The following BEST3 variants were observed in gnomAD, a reference collection of about 807,000 sequenced individuals.
BEST3 encodes bestrophin-3.
In BEST3, 50 loss-of-function variants were observed where a neutral mutation model predicts 47.1. The ratio of observed to expected loss-of-function variants is 1.06; its 90% CI spans 0.85 to 1.34. BEST3 has a LOEUF of 1.34. Among genes scored for constraint, BEST3 ranks in the 40% most tolerant of loss-of-function variants. BEST3 has a pLI of 0.00. For synonymous variants in BEST3, 282 were observed against 298.8 expected (o/e 0.94, Z 0.58); for missense variants, 765 against 817.0 (o/e 0.94, Z 0.78).
chr12:69,670,218 A>T, intron 9 of BEST3: 1 of 491,548 alleles, frequency 2.0e-6, no homozygotes, highest in Middle Eastern at 5.3e-4. Context: ...ATACAACAAG[A>T]GATTCCTATC....
intron 9 of BEST3, among the ~76,000 whole-genome samples, chr12:69,664,441 C>T (rs1281049488): frequency 1.3e-5 from 2 of 152,136 alleles, no homozygotes; most frequent in African/African-American, 2.4e-5. Context: ...CCCCGCCACC[C>T]GGGGCCAGTT....
intron 8 of BEST3, 32 bp from the exon 9 acceptor site, chr12:69,671,611 C>T: frequency 1.2e-6 from 2 of 1,603,890 alleles, no homozygotes; most frequent in Non-Finnish European, 1.7e-6. Flanking sequence ...TAGAATAACT[C>T]AGATGTAAAT....
At chr12:69,680,556 C>T (rs1161110358) in intron 4 of BEST3, among the ~76,000 whole-genome samples, 2 of 152,074 alleles carry the variant, frequency 1.3e-5, no homozygotes, top group South Asian at 2.1e-4. Context: ...ATCCGCCCTC[C>T]TCGGCCTCCC....
intron 2 of BEST3, among the ~76,000 whole-genome samples, chr12:69,695,632 AT>A (rs1886104266): frequency 6.6e-6 from 1 of 152,202 alleles, no homozygotes; most frequent in African/African-American, 2.4e-5. Flanking sequence ...GAGGATTTAA[AT>A]GTGGAAAGCA....
intron 9 of BEST3, chr12:69,669,767 T>C (rs1228007401): frequency 6.6e-6 from 1 of 152,210 alleles, no homozygotes; most frequent in African/African-American, 2.4e-5. Flanking sequence ...TTTCTGTATT[T>C]AGAAACAAGA....
intron 9 of BEST3, among the ~76,000 whole-genome samples, chr12:69,658,989 T>C (rs549847342): frequency 1.3e-5 from 2 of 152,106 alleles, no homozygotes; most frequent in Non-Finnish European, 2.9e-5. Flanking sequence ...GTGTCCATGG[T>C]GGAAGGGTAC....
rs752015452 is a variant in BEST3, at chr12:69,697,670, A to G, written c.129T>C (p.Tyr43=). Reference sequence around the variant, plus strand: ...ACCTGTATACCAAACTTATTGCTGTATAAAGAACAGCAAAAACAATAAATT... The same window carrying G: ...ACCTGTATACCAAACTTATTGCTGTGTAAAGAACAGCAAAAACAATAAATT... The part of the protein sequence containing the change: ...YREFIVFAVL[Y]TAISLVYRLL... Residue 43 remains tyrosine, a synonymous_variant, in exon 2 of 10, where the codon TAT becomes TAC. Transcript: ENST00000330891. 12 of 1,606,746 alleles carry G rather than the reference A, an allele frequency of 7.5e-6. No homozygotes were observed. The South Asian group carries it at 1.1e-4, about 15-fold the overall frequency.
chr12:69,696,989 G>C (rs952882110), intron 2 of BEST3, among the ~76,000 whole-genome samples: 2 of 151,922 alleles, frequency 1.3e-5, no homozygotes, highest in African/African-American at 4.8e-5. Context: ...ATATTTCTTG[G>C]ACTTGATATT....
At position 69,654,146 on chromosome 12, in the gene BEST3, T is replaced by C. The variant is rs1883315994; in HGVS notation, c.*761A>G. The C allele has an allele frequency of 1.0e-6, 1 of 985,214 alleles. No individual in the cohort carries two copies. Among genetic ancestry groups the C allele is most frequent in the African/African-American group, 1.7e-5 (1 of 57,212 alleles). 61.0% of individuals were successfully genotyped at this position (985,214 alleles called of 1,614,324 possible). The stretch of plus-strand genomic sequence containing the variant: ...GATTCTGTAGGAGGCTTTGCCAATG[T>C]CTTATATTTTGAAATTCATGGCAAG... On this transcript the variant is annotated 3_prime_UTR_variant, in exon 10 of 10. Coordinates refer to ENST00000330891, the MANE Select transcript of BEST3 (RefSeq NM_032735.3).
intron 4 of BEST3, among the ~76,000 whole-genome samples, chr12:69,680,591 G>T (rs1315419960): frequency 2.0e-5 from 3 of 152,106 alleles, no homozygotes; most frequent in Non-Finnish European, 2.9e-5. Context: ...ACAGGCGTGA[G>T]CCACCGCCCC....
Position 69,677,004 on chromosome 12 carries a change from G to C in BEST3, c.779C>G (p.Pro260Arg), listed in dbSNP as rs568405722. Residue 260 changes from proline (P) to arginine (R), a missense_variant, in exon 7 of 10, where the codon CCC becomes CGC. By Grantham distance (103) the Pro-to-Arg change is moderately radical. Coordinates refer to ENST00000330891, the MANE Select transcript of BEST3 (RefSeq NM_032735.3). ...GTCATGCCCTGCGTAGCCTTTGGTG[G>C]GATCCAAAAACTGGCGTCCAATCAG... is the stretch of plus-strand genomic sequence containing the variant. ...ACLIGRQFLDPTKGYAGHDLD... is the reference protein window; with the variant it reads ...ACLIGRQFLDRTKGYAGHDLD... The C allele has an allele frequency of 1.2e-6, 2 of 1,614,110 alleles. No individual in the cohort carries two copies. Among genetic ancestry groups the C allele is most frequent in the South Asian group, 1.1e-5 (1 of 91,080 alleles).
Position 69,653,641 on chromosome 12 carries a change from T to C in BEST3, c.*1266A>G. The C allele has an allele frequency of 1.0e-6, 1 of 985,430 alleles. No homozygotes were observed. The highest frequency in any genetic ancestry group is 5.2e-4 in the Middle Eastern group (1 of 1,912). 61.0% of individuals were successfully genotyped at this position (985,430 alleles called of 1,614,324 possible). The stretch of plus-strand genomic sequence containing the variant: ...GAGGGTTATTTTATTTCTAAAGCCA[T>C]ATGTAGTCAAGTGCCATCATATGAC... On this transcript the variant is annotated 3_prime_UTR_variant, in exon 10 of 10. Transcript: ENST00000330891.
intron 2 of BEST3, among the ~76,000 whole-genome samples, chr12:69,696,818 C>G (rs555836333): frequency 6.6e-6 from 1 of 152,224 alleles, no homozygotes; most frequent in East Asian, 1.9e-4. Context: ...AATGGAAATA[C>G]AGCCTCAAAA....
rs1425813623 is a variant in BEST3 at position 69,695,778 on chromosome 12, A to C, written c.153-1314T>G. On this transcript the variant is annotated intron_variant, in intron 2 of 9. Coordinates refer to ENST00000330891, the MANE Select transcript of BEST3 (RefSeq NM_032735.3). ...TGTAAGTGGGGATAAAAATATCTATATATAAGAGGCATTGTAAAGATTAAA... is the reference window on the plus strand; with the variant it reads ...TGTAAGTGGGGATAAAAATATCTATCTATAAGAGGCATTGTAAAGATTAAA... Among the ~76,000 whole-genome samples, 4 of 152,322 alleles carry C rather than the reference A, an allele frequency of 2.6e-5. No homozygotes were observed. The South Asian group carries it at 6.2e-4, about 24-fold the overall frequency.
In BEST3 at chr12:69,657,394, C is replaced by G. The variant is rs375525764; in HGVS notation, c.1101-1581G>C. 1.1e-4 allele frequency among the ~76,000 whole-genome samples: 16 copies of G among 152,274 alleles called. 1 individual carries two copies. In the South Asian group the frequency reaches 3.3e-3, roughly 32 times the overall value. On this transcript the variant is annotated intron_variant, in intron 9 of 9. Coordinates refer to ENST00000330891, the MANE Select transcript of BEST3 (RefSeq NM_032735.3). ...TACAGGCATGAGCCACCACACTTGG[C>G]CAAACCTACCATTTTAAATCTCCTT...
intron 4 of BEST3, among the ~76,000 whole-genome samples, chr12:69,693,245 C>CTTTTT (rs71094730): frequency 2.2e-5 from 3 of 136,698 alleles, no homozygotes; most frequent in Admixed American, 7.8e-5. Flanking sequence ...CTCTCTCTCT[C>CTTTTT]TTTTTTTTTT....
Position 69,694,269 on chromosome 12 carries a change from A to G in BEST3, c.247+101T>C, listed in dbSNP as rs190994247. On this transcript the variant is annotated intron_variant, in intron 3 of 9. Coordinates refer to ENST00000330891, the MANE Select transcript of BEST3 (RefSeq NM_032735.3). ...GTTCTATTGCAAGCGGTGGCTTTTC[A>G]GGCATGCCTCTCAGCTTGGAAACAC... 11 of 725,790 alleles carry G rather than the reference A, an allele frequency of 1.5e-5. No homozygotes were observed. In the East Asian group the frequency reaches 2.5e-4, roughly 17 times the overall value. The allele number at this position is 725,790 out of a possible 1,614,324, so 45.0% of individuals were successfully genotyped here.
intron 4 of BEST3, chr12:69,684,494 G>A (rs1885440683): frequency 1.7e-5 from 10 of 593,112 alleles, no homozygotes; most frequent in Non-Finnish European, 2.6e-5. Context: ...TTGAAGTTGA[G>A]GCAGATGTCT....
rs573435012 is a variant in BEST3 at position 69,674,076 on chromosome 12, C to T, written c.868-1111G>A. Among the ~76,000 whole-genome samples the T allele has an allele frequency of 7.3e-5, 11 of 151,620 alleles. No homozygotes were observed. In the South Asian group the frequency reaches 8.4e-4, roughly 12 times the overall value. On this transcript the variant is annotated intron_variant, in intron 7 of 9. Coordinates refer to ENST00000330891, the MANE Select transcript of BEST3 (RefSeq NM_032735.3). Reference sequence around the variant, plus strand: ...ACATGCGTGCATGCTCGTGTGTGTGCGTGAGAGAGAGAGACAGGGAGAGAG... The same window carrying T: ...ACATGCGTGCATGCTCGTGTGTGTGTGTGAGAGAGAGAGACAGGGAGAGAG...
Sources: allele counts gnomAD v4.1 joint callset (sites outside exome capture counted in the v4.1 genomes callset), GRCh38; gene constraint gnomAD v4.1.1; transcripts MANE v1.5; gene names NCBI Gene and HGNC (gene_info 2026-07-23, HGNC 2026-07-21).